The following LRRC8C variants were observed in gnomAD, a reference collection of about 807,000 sequenced individuals.
LRRC8C encodes volume-regulated anion channel subunit LRRC8C.
In LRRC8C, 20 loss-of-function variants were observed where a neutral mutation model predicts 55.3. That is an observed-to-expected ratio of 0.36 (90% CI 0.25 to 0.53). The LOEUF is 0.53. Among genes scored for constraint, LRRC8C ranks in the 20% least tolerant of loss-of-function variants. The pLI is 0.92. For missense variants in LRRC8C, 659 were observed against 951.4 expected, an observed-to-expected ratio of 0.69 and a Z score of 4.04; for synonymous variants, 376 against 360.7, an observed-to-expected ratio of 1.04 and a Z score of -0.48.
chr1:89,681,545 G>A (rs1004808543), intron 1 of LRRC8C, among the ~76,000 whole-genome samples: 1 of 152,200 alleles, frequency 6.6e-6, no homozygotes, highest in Non-Finnish European at 1.5e-5. Context: ...TGGACTCACA[G>A]TTCCACATGG....
chr1:89,618,469 G>C, the LRRC8C span, among the ~76,000 whole-genome samples: 1 of 152,176 alleles, frequency 6.6e-6, no homozygotes, highest in Non-Finnish European at 1.5e-5. Flanking sequence ...CATTTTATAT[G>C]TGTTGAAAGC....
At position 89,713,609 on chromosome 1, in the gene LRRC8C, C is replaced by T. The variant is rs778820765; in HGVS notation, c.1039C>T (p.Arg347Trp). ...TLYWLFYRSL[R>W]EYSFEYVRQE... Reference sequence around the variant, plus strand: ...ATACTGGCTGTTCTACCGTTCTCTACGGGAATATTCCTTTGAGTATGTCCG... The same window carrying T: ...ATACTGGCTGTTCTACCGTTCTCTATGGGAATATTCCTTTGAGTATGTCCG... The change falls in exon 3 of 3, where the codon CGG becomes TGG. Residue 347 changes from arginine to tryptophan, a missense_variant. Transcript: ENST00000370454. The surrounding 1 kb of genome is among the most constrained non-coding windows in gnomAD (Gnocchi z 5.2). 41 of 1,614,000 alleles carry T rather than the reference C, an allele frequency of 2.5e-5. No homozygotes were observed. The highest frequency in any genetic ancestry group is 3.2e-5 in the Non-Finnish European group (38 of 1,180,020).
intron 1 of LRRC8C, among the ~76,000 whole-genome samples, chr1:89,649,293 T>C (rs1656696201): frequency 6.6e-6 from 1 of 152,190 alleles, no homozygotes; most frequent in Admixed American, 6.5e-5. Context: ...TTTTATATAA[T>C]TAATTCATAG....
At chr1:89,706,285 G>A (rs1658481456) in intron 2 of LRRC8C, 1 of 455,944 alleles carries the variant, frequency 2.2e-6, no homozygotes, top group Non-Finnish European at 4.4e-6. Flanking sequence ...TCGTTTATAT[G>A]TTCTTTGTTA....
At chr1:89,702,361 A>G (rs1356207282) in intron 2 of LRRC8C, among the ~76,000 whole-genome samples, 1 of 152,196 alleles carries the variant, frequency 6.6e-6, no homozygotes, top group Non-Finnish European at 1.5e-5. Context: ...TTCATGCAAG[A>G]TGAAATTAAG....
At chr1:89,669,105 C>T (rs1173449135) in intron 1 of LRRC8C, among the ~76,000 whole-genome samples, 1 of 152,066 alleles carries the variant, frequency 6.6e-6, no homozygotes, top group Non-Finnish European at 1.5e-5. Flanking sequence ...GAATACTACT[C>T]AGCCTTTAAA....
intron 2 of LRRC8C, among the ~76,000 whole-genome samples, chr1:89,698,002 G>A (rs1658221153): frequency 6.6e-6 from 1 of 152,160 alleles, no homozygotes; most frequent in Non-Finnish European, 1.5e-5. Context: ...TACAGTGATA[G>A]GAGAATCGTA....
At chr1:89,670,230 C>G (rs551021035) in intron 1 of LRRC8C, among the ~76,000 whole-genome samples, 1 of 152,072 alleles carries the variant, frequency 6.6e-6, no homozygotes, top group African/African-American at 2.4e-5. Flanking sequence ...ATGCTTTTTG[C>G]GTGTTGCCAT....
chr1:89,684,477 T>A (rs1032203082), intron 1 of LRRC8C, among the ~76,000 whole-genome samples: 7 of 152,218 alleles, frequency 4.6e-5, no homozygotes, highest in Non-Finnish European at 1.0e-4. Flanking sequence ...TACGAGCTTC[T>A]TGTTTTTCAG....
intron 2 of LRRC8C, among the ~76,000 whole-genome samples, chr1:89,704,847 T>C (rs1259472834): frequency 6.6e-6 from 1 of 152,076 alleles, no homozygotes; most frequent in Non-Finnish European, 1.5e-5. Flanking sequence ...AGTTCAACCA[T>C]TGTGGAAGTC....
At chr1:89,702,416 G>C (rs1029395187) in intron 2 of LRRC8C, among the ~76,000 whole-genome samples, 1 of 152,002 alleles carries the variant, frequency 6.6e-6, no homozygotes, top group African/African-American at 2.4e-5. Context: ...TACAGAGAGT[G>C]GTTAAAAAGA....
At chr1:89,673,088 A>T (rs1657465234) in intron 1 of LRRC8C, among the ~76,000 whole-genome samples, 1 of 152,128 alleles carries the variant, frequency 6.6e-6, no homozygotes, top group South Asian at 2.1e-4. Context: ...GGACTTTTAA[A>T]AGTGTTTTTT....
chr1:89,679,836 G>A (rs1657648681), intron 1 of LRRC8C, among the ~76,000 whole-genome samples: 1 of 152,194 alleles, frequency 6.6e-6, no homozygotes, highest in South Asian at 2.1e-4. Flanking sequence ...TAAAACAAAT[G>A]TTAACTCTAC....
chr1:89,638,657 A>T (rs926725786), intron 1 of LRRC8C, among the ~76,000 whole-genome samples: 6 of 152,106 alleles, frequency 3.9e-5, no homozygotes, highest in African/African-American at 1.4e-4. Flanking sequence ...TTTGCAAATA[A>T]AACATACTTT....
intron 2 of LRRC8C, among the ~76,000 whole-genome samples, chr1:89,701,110 C>A (rs1317618675): frequency 6.6e-6 from 1 of 151,908 alleles, no homozygotes; most frequent in Non-Finnish European, 1.5e-5. Context: ...AGTGAGAACC[C>A]ATCTCTATAA....
At chr1:89,625,765 G>C in the LRRC8C span, among the ~76,000 whole-genome samples, 1 of 152,212 alleles carries the variant, frequency 6.6e-6, no homozygotes, top group East Asian at 1.9e-4. Flanking sequence ...AGAGAGGACA[G>C]CTTCTCATTC....
At chr1:89,666,408 C>A (rs1173321910) in intron 1 of LRRC8C, among the ~76,000 whole-genome samples, 4 of 119,722 alleles carry the variant, frequency 3.3e-5, no homozygotes, top group African/African-American at 9.7e-5. Context: ...AGAACTTTAA[C>A]AAAAATATAT....
intron 1 of LRRC8C, among the ~76,000 whole-genome samples, chr1:89,663,360 G>A (rs1432147123): frequency 6.6e-6 from 1 of 152,014 alleles, no homozygotes; most frequent in African/African-American, 2.4e-5. Context: ...CATGAGGTCA[G>A]GAGATCGAGA....
At chr1:89,669,786 T>C (rs1159143635) in intron 1 of LRRC8C, among the ~76,000 whole-genome samples, 1 of 152,198 alleles carries the variant, frequency 6.6e-6, no homozygotes, top group African/African-American at 2.4e-5. Context: ...TCTAGTACTA[T>C]ATTAATATGA....
Sources: gnomAD v4.1 joint callset for allele counts (sites outside exome capture counted in the v4.1 genomes callset) on GRCh38, gnomAD v4.1.1 for gene constraint, Gnocchi (gnomAD v3.1) non-coding constraint, MANE v1.5 for transcripts, NCBI Gene and HGNC (gene_info 2026-07-23, HGNC 2026-07-21) for gene names.